The following TCF7L2 variants were observed in gnomAD, a reference collection of about 807,000 sequenced individuals.
TCF7L2 encodes the protein transcription factor 7 like 2.
TCF7L2 carries 23 observed loss-of-function variants against 77.9 expected under a neutral mutation model. The observed-to-expected ratio is 0.30, with a 90% confidence interval of 0.21 to 0.42. The LOEUF (loss-of-function observed/expected upper bound fraction) is 0.42, where lower values mean the gene tolerates loss of function less well. TCF7L2 is among the 10% of genes least tolerant of loss of function. The probability of loss-of-function intolerance (pLI) is 1.00; values close to 1 mark genes in which losing one functional copy is unlikely to be tolerated. For synonymous variants in TCF7L2, 413 were observed against 340.2 expected (o/e 1.21, Z -2.36); for missense variants, 654 against 793.1 (o/e 0.82, Z 2.11).
intron 4 of TCF7L2, among the ~76,000 whole-genome samples, 185 bp downstream of exon 4, chr10:112,964,809 T>TGGG (rs1476350639): frequency 3.8e-4 from 11 of 28,588 alleles, no homozygotes; most frequent in African/African-American, 1.7e-3. Context: ...GTGGTGGTGG[T>TGGG]GGTGGGGGGG....
At chr10:113,122,820 G>T (rs1318658026) in intron 5 of TCF7L2, among the ~76,000 whole-genome samples, 2 of 152,128 alleles carry the variant, frequency 1.3e-5, no homozygotes, top group Non-Finnish European at 2.9e-5. Flanking sequence ...ACCTGGGCCC[G>T]GTATCCCTCC....
intron 8 of TCF7L2, among the ~76,000 whole-genome samples, chr10:113,147,535 C>A (rs1181201466): frequency 6.6e-6 from 1 of 152,230 alleles, no homozygotes; most frequent in East Asian, 1.9e-4. Context: ...TGTTCTCTGG[C>A]CTAGAGAGAA....
intron 5 of TCF7L2, among the ~76,000 whole-genome samples, chr10:113,040,647 A>T (rs1413584128): frequency 2.6e-5 from 4 of 152,244 alleles, no homozygotes; most frequent in African/African-American, 9.6e-5. Context: ...GAACTTTGAA[A>T]GGCTAAAATG....
At chr10:113,132,016 C>G (rs1328993359) in intron 5 of TCF7L2, 1 of 152,234 alleles carries the variant, frequency 6.6e-6, no homozygotes, top group Non-Finnish European at 1.5e-5. Context: ...GTTATTTATT[C>G]TGGCTGTAGA....
rs571059134 is a variant in TCF7L2 at position 112,956,277 on chromosome 10, C to T, written c.381+4670C>T. On this transcript the variant is annotated intron_variant, in intron 3 of 13. Coordinates refer to ENST00000627217, the MANE Select transcript of TCF7L2 (RefSeq NM_001146274.2). The stretch of plus-strand genomic sequence containing the variant: ...AACCTGGATTTAGCAAATGCTCTCT[C>T]CTGCACAGGAAGTAGATGACATTAT... Among the ~76,000 whole-genome samples, 9 of 151,002 alleles carry T rather than the reference C, an allele frequency of 6.0e-5. No individual in the cohort carries two copies. The South Asian group carries it at 1.9e-3, about 32-fold the overall frequency.
At chr10:112,995,009 G>T (rs1039317195) in intron 4 of TCF7L2, among the ~76,000 whole-genome samples, 8 of 152,154 alleles carry the variant, frequency 5.3e-5, no homozygotes, top group Admixed American at 2.0e-4. Context: ...CTTGAGGCAG[G>T]AGAATCGCTT....
At position 113,166,259 on chromosome 10, in the gene TCF7L2, T is replaced by A; in HGVS notation, c.*287T>A. On this transcript the variant is annotated 3_prime_UTR_variant, in exon 14 of 14. Coordinates refer to ENST00000627217, the MANE Select transcript of TCF7L2 (RefSeq NM_001146274.2). ...CGTTTAAAAAATATATATATATACA[T>A]AACTGTTATGTAGTTCGGATAGCTT... 1 of 287,566 alleles carries A rather than the reference T, an allele frequency of 3.5e-6. No individual in the cohort carries two copies. Among genetic ancestry groups the A allele is most frequent in the Non-Finnish European group, 6.4e-6 (1 of 156,554 alleles). 17.8% of individuals were successfully genotyped at this position (287,566 alleles called of 1,614,324 possible). A position where few individuals can be genotyped will look rare whatever the true frequency, so the allele number is the denominator to read the frequency against.
intron 4 of TCF7L2, among the ~76,000 whole-genome samples, chr10:112,990,966 C>T (rs923143148): frequency 6.6e-6 from 1 of 152,080 alleles, no homozygotes; most frequent in African/African-American, 2.4e-5. Flanking sequence ...CCTATTTTTC[C>T]AGCTCAGGAC....
chr10:113,118,023 G>T (rs1460136719), intron 5 of TCF7L2, among the ~76,000 whole-genome samples: 1 of 143,164 alleles, frequency 7.0e-6, no homozygotes, highest in Non-Finnish European at 1.5e-5. Flanking sequence ...TCTTAAGACT[G>T]CAAAAACCAA....
chr10:113,120,877 A>G, intron 5 of TCF7L2, among the ~76,000 whole-genome samples: 1 of 152,206 alleles, frequency 6.6e-6, no homozygotes. Context: ...TTGGCTCAGA[A>G]AAATAATGTC....
chr10:113,072,246 G>A (rs986839812), intron 5 of TCF7L2, among the ~76,000 whole-genome samples: 14 of 151,878 alleles, frequency 9.2e-5, no homozygotes, highest in Admixed American at 4.6e-4. Context: ...TAGCAGAGAC[G>A]GGGTTTCACC....
Position 113,167,131 on chromosome 10 carries a change from T to C in TCF7L2, c.*1159T>C. On this transcript the variant is annotated 3_prime_UTR_variant, in exon 14 of 14. Coordinates refer to ENST00000627217, the MANE Select transcript of TCF7L2 (RefSeq NM_001146274.2). ...TTTTTGATGCTGTAATTTTTGTTCA[T>C]CATGTTTTGCTGTGATGTTACATAG... 1 of 229,558 alleles carries C rather than the reference T, an allele frequency of 4.4e-6. No homozygotes were observed. Among genetic ancestry groups the C allele is most frequent in the Non-Finnish European group, 8.6e-6 (1 of 115,804 alleles). 14.2% of individuals were successfully genotyped at this position (229,558 alleles called of 1,614,324 possible). A position where few individuals can be genotyped will look rare whatever the true frequency, so the allele number is the denominator to read the frequency against.
chr10:112,988,607 G>C (rs1346288544), intron 4 of TCF7L2, among the ~76,000 whole-genome samples: 1 of 152,082 alleles, frequency 6.6e-6, no homozygotes, highest in Non-Finnish European at 1.5e-5. Flanking sequence ...TTGAACCTTA[G>C]TATTATCACT....
rs114660067 is a variant in TCF7L2 at position 112,989,664 on chromosome 10, T to C, written c.450+25040T>C. Reference sequence around the variant, plus strand: ...ATTATAAATAGGCGCGTTGCTATGGTGAGGATGGCAGTCCTTGCTTGCTGT... The same window carrying C: ...ATTATAAATAGGCGCGTTGCTATGGCGAGGATGGCAGTCCTTGCTTGCTGT... On this transcript the variant is annotated intron_variant, in intron 4 of 13. Transcript: ENST00000627217. 4.5e-3 allele frequency among the ~76,000 whole-genome samples: 690 copies of C among 152,290 alleles called. 10 individuals carry two copies. Among genetic ancestry groups the C allele is most frequent in the African/African-American group, 0.016 (662 of 41,564 alleles).
At chr10:113,031,694 G>T (rs2050246542) in intron 4 of TCF7L2, among the ~76,000 whole-genome samples, 1 of 151,974 alleles carries the variant, frequency 6.6e-6, no homozygotes, top group Non-Finnish European at 1.5e-5. Flanking sequence ...CACCATGTTG[G>T]CCAGGCTGGT....
intron 4 of TCF7L2, among the ~76,000 whole-genome samples, chr10:112,987,093 T>C (rs1256536818): frequency 6.6e-6 from 1 of 152,198 alleles, no homozygotes; most frequent in African/African-American, 2.4e-5. Context: ...TTCATTTCTT[T>C]TGTTTCTATT....
chr10:113,078,461 C>A (rs2058963100), intron 5 of TCF7L2, among the ~76,000 whole-genome samples: 1 of 152,122 alleles, frequency 6.6e-6, no homozygotes, highest in Non-Finnish European at 1.5e-5. Context: ...AGTGCAATGG[C>A]CCAATCACAG....
rs2074074276 is a variant in TCF7L2 at position 113,167,111 on chromosome 10, G to C, written c.*1139G>C. 1.7e-5 allele frequency: 4 copies of C among 229,548 alleles called. No individual in the cohort carries two copies. In the Admixed American group the frequency reaches 2.3e-4, roughly 13 times the overall value. The allele number at this position is 229,548 out of a possible 1,614,324, so 14.2% of individuals were successfully genotyped here. A position where few individuals can be genotyped will look rare whatever the true frequency, so the allele number is the denominator to read the frequency against. On this transcript the variant is annotated 3_prime_UTR_variant, in exon 14 of 14. Coordinates refer to ENST00000627217, the MANE Select transcript of TCF7L2 (RefSeq NM_001146274.2). ...TGAATTTAGCTTTCTCCCTCTTTTT[G>C]ATGCTGTAATTTTTGTTCATCATGT...
intron 4 of TCF7L2, among the ~76,000 whole-genome samples, chr10:112,982,090 T>C (rs1330276033): frequency 6.6e-6 from 1 of 152,254 alleles, no homozygotes; most frequent in African/African-American, 2.4e-5. Flanking sequence ...TCCCATTCTA[T>C]GTATTTCTCC....
Sources: allele counts gnomAD v4.1 joint callset (sites outside exome capture counted in the v4.1 genomes callset), GRCh38; gene constraint gnomAD v4.1.1; transcripts MANE v1.5; gene names NCBI Gene and HGNC (gene_info 2026-07-23, HGNC 2026-07-21).